Variants in NR3C2 observed in about 807,000 individuals in gnomAD.
The protein encoded by NR3C2 is mineralocorticoid receptor.
Under a neutral mutation model 86.4 loss-of-function variants are expected in NR3C2, and 15 were observed. The ratio of observed to expected loss-of-function variants is 0.17; its 90% CI spans 0.12 to 0.27. The LOEUF is 0.27. Ranked by LOEUF, NR3C2 falls within the 10% of genes least tolerant of loss-of-function variation. The pLI is 1.00. For missense variants in NR3C2, 960 were observed against 1,195.6 expected, an observed-to-expected ratio of 0.80 and a Z score of 2.91; for synonymous variants, 458 against 450.5, an observed-to-expected ratio of 1.02 and a Z score of -0.21.
chr4:148,271,845 A>C (rs1180737093), intron 2 of NR3C2, among the ~76,000 whole-genome samples: 1 of 152,216 alleles, frequency 6.6e-6, no homozygotes, highest in Non-Finnish European at 1.5e-5. Flanking sequence ...AGAAGAAAGA[A>C]CTAATCAGGG....
At chr4:148,283,053 T>C (rs1304094927) in intron 2 of NR3C2, among the ~76,000 whole-genome samples, 1 of 152,156 alleles carries the variant, frequency 6.6e-6, no homozygotes, top group Non-Finnish European at 1.5e-5. Context: ...CAAGGAAACG[T>C]TATTTAAAAT....
intron 3 of NR3C2, among the ~76,000 whole-genome samples, chr4:148,253,848 C>G (rs78645426): frequency 0.027 from 4,121 of 152,220 alleles, 202 homozygotes; most frequent in African/African-American, 0.091. Context: ...GGATCGTTGT[C>G]CAAGATGTCT....
At chr4:148,174,285 T>C (rs958739455) in intron 4 of NR3C2, among the ~76,000 whole-genome samples, 1 of 152,196 alleles carries the variant, frequency 6.6e-6, no homozygotes, top group Non-Finnish European at 1.5e-5. Context: ...GAATCTCTTA[T>C]ATAATACTCA....
intron 2 of NR3C2, among the ~76,000 whole-genome samples, chr4:148,341,982 G>T (rs1744769500): frequency 6.6e-6 from 1 of 152,010 alleles, no homozygotes; most frequent in Non-Finnish European, 1.5e-5. Context: ...AAATATTACG[G>T]TCACAACTTC....
At chr4:148,179,626 A>C (rs1313605629) in intron 4 of NR3C2, among the ~76,000 whole-genome samples, 3 of 151,746 alleles carry the variant, frequency 2.0e-5, no homozygotes, top group Non-Finnish European at 4.4e-5. Flanking sequence ...AAAATAAGAC[A>C]CCAATTTAAT....
intron 2 of NR3C2, among the ~76,000 whole-genome samples, chr4:148,261,372 C>T (rs965294626): frequency 1.1e-4 from 12 of 104,624 alleles, no homozygotes; most frequent in Non-Finnish European, 2.3e-4. Flanking sequence ...CGCTATGGTG[C>T]GCTATGGTCA....
chr4:148,104,336 G>T (rs77379921), intron 8 of NR3C2, among the ~76,000 whole-genome samples: 41 of 80,194 alleles, frequency 5.1e-4, no homozygotes, highest in Middle Eastern at 5.2e-3. Flanking sequence ...TTTGTGTTTT[G>T]GTTTGGTTTT....
chr4:148,442,564 G>GC (rs1438364203), upstream of NR3C2: 92 of 795,680 alleles, frequency 1.2e-4, no homozygotes, highest in African/African-American at 1.7e-4. Context: ...TTGCTATCCC[G>GC]CCCCCCTGAA....
At chr4:148,257,653 CATTA>C (rs1482335377) in intron 3 of NR3C2, among the ~76,000 whole-genome samples, 2 of 151,924 alleles carry the variant, frequency 1.3e-5, no homozygotes, top group African/African-American at 2.4e-5. Context: ...AAAATAATCT[CATTA>C]ATTAAAAAAT....
intron 8 of NR3C2, among the ~76,000 whole-genome samples, chr4:148,108,391 C>T (rs574791021): frequency 1.7e-3 from 265 of 152,334 alleles, no homozygotes; most frequent in Admixed American, 3.3e-3. Context: ...CTGGGAGCCA[C>T]TGCACCCAGC....
At chr4:148,369,022 G>A (rs555064359) in intron 2 of NR3C2, among the ~76,000 whole-genome samples, 65 of 152,250 alleles carry the variant, frequency 4.3e-4, no homozygotes, top group African/African-American at 1.6e-3. Context: ...ACTACATTCT[G>A]TAAAAAACAC....
chr4:148,153,720 C>T (rs1407240250), intron 5 of NR3C2, among the ~76,000 whole-genome samples: 1 of 123,430 alleles, frequency 8.1e-6, no homozygotes, highest in East Asian at 2.8e-4. Context: ...AATTAAATAC[C>T]ATGAAACAAA....
chr4:148,343,625 T>C (rs1474793226), intron 2 of NR3C2, among the ~76,000 whole-genome samples: 2 of 152,094 alleles, frequency 1.3e-5, no homozygotes, highest in African/African-American at 2.4e-5. Flanking sequence ...TTCAAACCTA[T>C]GTTTGCTGAA....
intron 8 of NR3C2, among the ~76,000 whole-genome samples, 174 bp from the exon 9 acceptor site, chr4:148,081,673 A>G (rs1413909326): frequency 6.6e-6 from 1 of 152,168 alleles, no homozygotes; most frequent in Non-Finnish European, 1.5e-5. Flanking sequence ...AAGGGTGCTC[A>G]CATCACCCAT....
intron 6 of NR3C2, among the ~76,000 whole-genome samples, chr4:148,130,796 TTTGTTTTGTTTTGTTTTGTTTTG>T (rs1732989273): frequency 1.0e-4 from 6 of 60,004 alleles, no homozygotes; most frequent in South Asian, 6.1e-4. Context: ...CGTTTTTTTT[TTTGTTTTGTTTTGTTTTGTTTTG>T]TTTTTTTTTT....
intron 3 of NR3C2, among the ~76,000 whole-genome samples, chr4:148,236,574 A>G (rs966093259): frequency 2.0e-5 from 3 of 152,178 alleles, no homozygotes; most frequent in African/African-American, 7.2e-5. Context: ...GGTTTAGCAT[A>G]CCATAAATAA....
chr4:148,079,022 C>T lies in NR3C2; in HGVS notation c.*2322G>A, dbSNP rs1310331722. On this transcript the variant is annotated 3_prime_UTR_variant, in exon 9 of 9. Coordinates refer to ENST00000358102, the MANE Select transcript of NR3C2 (RefSeq NM_000901.5). ...TTAGAATATGGCTTTGCTGTTTAAT[C>T]AAGCAAAGTTACCTGGAGACACACA... is the stretch of plus-strand genomic sequence containing the variant. 1 of 152,596 alleles carries T rather than the reference C, an allele frequency of 6.6e-6. No individual in the cohort carries two copies. The highest frequency in any genetic ancestry group is 1.5e-5 in the Non-Finnish European group (1 of 68,038). The allele number at this position is 152,596 out of a possible 1,614,324, so 9.5% of individuals were successfully genotyped here. A position where few individuals can be genotyped will look rare whatever the true frequency, so the allele number is the denominator to read the frequency against.
At chr4:148,132,121 T>C (rs1347913058) in intron 6 of NR3C2, among the ~76,000 whole-genome samples, 3 of 152,244 alleles carry the variant, frequency 2.0e-5, no homozygotes, top group Admixed American at 2.0e-4. Flanking sequence ...ATGTCTTTAG[T>C]GCAGGAGAGA....
At chr4:148,084,807 G>T (rs892020003) in intron 8 of NR3C2, among the ~76,000 whole-genome samples, 1 of 152,066 alleles carries the variant, frequency 6.6e-6, no homozygotes, top group Non-Finnish European at 1.5e-5. Flanking sequence ...CAAAATAAAG[G>T]GATGGAGGAA....
Sources: allele counts gnomAD v4.1 joint callset (sites outside exome capture counted in the v4.1 genomes callset), GRCh38; gene constraint gnomAD v4.1.1; transcripts MANE v1.5; gene names NCBI Gene and HGNC (gene_info 2026-07-23, HGNC 2026-07-21).